Variants in RBMS3 observed in about 807,000 individuals in gnomAD.
RBMS3 encodes RNA-binding motif, single-stranded-interacting protein 3.
In RBMS3, 27 loss-of-function variants were observed where a neutral mutation model predicts 66.8. The ratio of observed to expected loss-of-function variants is 0.40; its 90% CI spans 0.30 to 0.56. RBMS3 has a LOEUF of 0.56. Among genes scored for constraint, RBMS3 ranks in the 20% least tolerant of loss-of-function variants. RBMS3 has a pLI of 0.40. For synonymous variants in RBMS3, 188 were observed against 183.0 expected (o/e 1.03, Z -0.22); for missense variants, 513 against 549.5 (o/e 0.93, Z 0.66).
At chr3:29,340,782 G>A (rs181233943) in intron 1 of RBMS3, among the ~76,000 whole-genome samples, 2 of 152,078 alleles carry the variant, frequency 1.3e-5, no homozygotes, top group African/African-American at 4.8e-5. Context: ...AAGATAATTA[G>A]ATCATAGTAT....
intron 2 of RBMS3, among the ~76,000 whole-genome samples, chr3:29,486,429 A>G (rs1483807214): frequency 6.6e-6 from 1 of 152,148 alleles, no homozygotes; most frequent in East Asian, 1.9e-4. Context: ...GTGCTGTCGG[A>G]AAGTCTGGCC....
intron 3 of RBMS3, among the ~76,000 whole-genome samples, chr3:29,582,647 C>T (rs907507385): frequency 1.3e-5 from 2 of 152,230 alleles, no homozygotes; most frequent in African/African-American, 2.4e-5. Flanking sequence ...GAACTAATCT[C>T]CCTTACCCTT....
Position 29,716,114 on chromosome 3 carries a change from G to A in RBMS3, c.400-23606G>A, listed in dbSNP as rs183123373. Among the ~76,000 whole-genome samples, 219 of 152,148 alleles carry A rather than the reference G, an allele frequency of 1.4e-3. No individual in the cohort carries two copies. The Middle Eastern group carries it at 0.027, about 19-fold the overall frequency. ...ACTATAGTAGGTGTGTGAGGAAAAC[G>A]GAACTTTTACATATTGTTGATAGAG... On this transcript the variant is annotated intron_variant, in intron 4 of 14. Transcript: ENST00000383767.
chr3:29,710,388 C>G (rs1453759250), intron 4 of RBMS3, among the ~76,000 whole-genome samples: 1 of 152,174 alleles, frequency 6.6e-6, no homozygotes, highest in Non-Finnish European at 1.5e-5. Context: ...TATACTAGCA[C>G]TACTACATAC....
At chr3:29,620,938 A>G (rs2048844812) in intron 4 of RBMS3, among the ~76,000 whole-genome samples, 1 of 152,196 alleles carries the variant, frequency 6.6e-6, no homozygotes, top group African/African-American at 2.4e-5. Context: ...TAAAATATGC[A>G]TACCAATTAT....
intron 4 of RBMS3, among the ~76,000 whole-genome samples, chr3:29,673,785 C>G (rs1205831166): frequency 6.6e-6 from 1 of 152,068 alleles, no homozygotes; most frequent in African/African-American, 2.4e-5. Flanking sequence ...CAAAAAAGTC[C>G]AGGACCAGAC....
chr3:29,969,637 A>G (rs953445136), intron 12 of RBMS3, among the ~76,000 whole-genome samples: 1 of 152,190 alleles, frequency 6.6e-6, no homozygotes, highest in Non-Finnish European at 1.5e-5. Context: ...CAGTAGCTTA[A>G]GTAAACATCA....
At chr3:29,421,663 A>G (rs1351774779) in intron 1 of RBMS3, among the ~76,000 whole-genome samples, 1 of 152,218 alleles carries the variant, frequency 6.6e-6, no homozygotes, top group African/African-American at 2.4e-5. Flanking sequence ...GTCTTAAAAA[A>G]TTCTTCTGAG....
intron 4 of RBMS3, among the ~76,000 whole-genome samples, chr3:29,609,750 T>C (rs567870238): frequency 6.6e-6 from 1 of 152,122 alleles, no homozygotes; most frequent in Non-Finnish European, 1.5e-5. Context: ...GAAGGAATTC[T>C]TCCCTTTTAA....
intron 4 of RBMS3, among the ~76,000 whole-genome samples, chr3:29,664,658 C>T (rs2050683633): frequency 6.6e-6 from 1 of 151,396 alleles, no homozygotes; most frequent in Non-Finnish European, 1.5e-5. Flanking sequence ...AAACACCAAC[C>T]TGATAGTAGG....
At chr3:29,974,635 C>T (rs1189128044) in intron 12 of RBMS3, among the ~76,000 whole-genome samples, 1 of 151,476 alleles carries the variant, frequency 6.6e-6, no homozygotes, top group South Asian at 2.1e-4. Context: ...ATCCTAATTT[C>T]CATTGCCATA....
intron 1 of RBMS3, among the ~76,000 whole-genome samples, chr3:29,341,780 AATT>A (rs1341029289): frequency 1.3e-5 from 2 of 152,128 alleles, no homozygotes; most frequent in African/African-American, 2.4e-5. Context: ...ACATATATGA[AATT>A]ATTATTTTTC....
chr3:29,653,553 G>GATTTT (rs2050214657), intron 4 of RBMS3, among the ~76,000 whole-genome samples: 1 of 151,984 alleles, frequency 6.6e-6, no homozygotes, highest in Non-Finnish European at 1.5e-5. Flanking sequence ...TCTGAGCTGT[G>GATTTT]GACCAGAGTG....
At chr3:29,654,860 A>C (rs977322739) in intron 4 of RBMS3, among the ~76,000 whole-genome samples, 2 of 151,836 alleles carry the variant, frequency 1.3e-5, no homozygotes, top group Non-Finnish European at 2.9e-5. Flanking sequence ...AGCATCCCAA[A>C]ATGCTGGGAT....
chr3:29,370,379 T>C (rs2038137324), intron 1 of RBMS3, among the ~76,000 whole-genome samples: 1 of 152,214 alleles, frequency 6.6e-6, no homozygotes, highest in African/African-American at 2.4e-5. Context: ...AGATAACTTG[T>C]TTTGGGAGTT....
chr3:29,925,730 T>C (rs1251735658), intron 10 of RBMS3, among the ~76,000 whole-genome samples: 2 of 152,248 alleles, frequency 1.3e-5, no homozygotes, highest in East Asian at 1.9e-4. Context: ...ATAACTCACC[T>C]GGGGCAGGCT....
chr3:29,357,413 G>A (rs2037291225), intron 1 of RBMS3, among the ~76,000 whole-genome samples: 1 of 152,186 alleles, frequency 6.6e-6, no homozygotes, highest in Non-Finnish European at 1.5e-5. Flanking sequence ...ATTCCATGGT[G>A]TATATGTGCC....
At chr3:29,860,751 G>A (rs1004446504) in intron 6 of RBMS3, among the ~76,000 whole-genome samples, 1 of 152,176 alleles carries the variant, frequency 6.6e-6, no homozygotes, top group African/African-American at 2.4e-5. Flanking sequence ...ATGCTCCTGA[G>A]TTTCATTATC....
chr3:29,345,330 A>G (rs778694053), intron 1 of RBMS3, among the ~76,000 whole-genome samples: 2 of 152,238 alleles, frequency 1.3e-5, no homozygotes, highest in Non-Finnish European at 2.9e-5. Flanking sequence ...TCATGGCTTT[A>G]TCTGCTTCTG....
Sources: gnomAD v4.1 joint callset for allele counts (sites outside exome capture counted in the v4.1 genomes callset) on GRCh38, gnomAD v4.1.1 for gene constraint, MANE v1.5 for transcripts, NCBI Gene and HGNC (gene_info 2026-07-23, HGNC 2026-07-21) for gene names.